NUP98: variants seen among roughly 807,000 people sequenced by gnomAD.
The protein encoded by NUP98 is nuclear pore complex protein Nup98-Nup96.
A neutral mutation model predicts 191.9 loss-of-function variants in NUP98; 26 were observed. The ratio of observed to expected loss-of-function variants is 0.14; its 90% CI spans 0.10 to 0.19. NUP98 has a LOEUF of 0.19. NUP98 is among the 10% of genes least tolerant of loss of function. NUP98 has a pLI of 1.00. For synonymous variants in NUP98, 808 were observed against 778.4 expected (o/e 1.04, Z -0.63); for missense variants, 1,941 against 2,178.8 (o/e 0.89, Z 2.17).
At chr11:3,685,118 A>G (rs2078100081) in intron 29 of NUP98, among the ~76,000 whole-genome samples, 1 of 152,174 alleles carries the variant, frequency 6.6e-6, no homozygotes, top group African/African-American at 2.4e-5. Flanking sequence ...TATATGGTAT[A>G]CAATATAAAC....
At chr11:3,774,171 G>T (rs1041369686) in intron 5 of NUP98, among the ~76,000 whole-genome samples, 3 of 152,046 alleles carry the variant, frequency 2.0e-5, no homozygotes, top group Non-Finnish European at 2.9e-5. Context: ...AGGCCGAGGC[G>T]GGTGGATCAT....
In NUP98 at chr11:3,714,359, T is replaced by TA. The variant is rs374412828; in HGVS notation, c.2400-365dup. The stretch of plus-strand genomic sequence containing the variant: ...AAAGGGCTACCGTACTAAATAATAA[T>TA]AAAAAACAGCTACTACCCATTTACT... On this transcript the variant is annotated intron_variant, in intron 18 of 32. Transcript: ENST00000324932. Among the ~76,000 whole-genome samples the TA allele has an allele frequency of 5.0e-3, 768 of 152,254 alleles. 10 individuals carry two copies. Among genetic ancestry groups the TA allele is most frequent in the African/African-American group, 0.017 (709 of 41,550 alleles).
At chr11:3,783,713 A>G (rs1197104250) in intron 1 of NUP98, among the ~76,000 whole-genome samples, 1 of 152,072 alleles carries the variant, frequency 6.6e-6, no homozygotes, top group Non-Finnish European at 1.5e-5. Flanking sequence ...AACAAAAACA[A>G]AAACAAAAAC....
chr11:3,790,775 T>A (rs1304890524), intron 1 of NUP98, among the ~76,000 whole-genome samples: 1 of 152,186 alleles, frequency 6.6e-6, no homozygotes, highest in Admixed American at 6.5e-5. Flanking sequence ...TCTTTTTAAT[T>A]CAGTATTGGG....
At chr11:3,782,199 T>C in intron 1 of NUP98, 54 bp from the exon 2 acceptor site, 1 of 972,752 alleles carries the variant, frequency 1.0e-6, no homozygotes, top group Non-Finnish European at 1.6e-6. Context: ...TGGAATATAA[T>C]TGTTTTAGAA....
intron 7 of NUP98, among the ~76,000 whole-genome samples, chr11:3,770,355 G>T (rs1030148723): frequency 6.6e-6 from 1 of 151,964 alleles, no homozygotes; most frequent in African/African-American, 2.4e-5. Flanking sequence ...GTCGGGTGTG[G>T]TGGCACATGC....
chr11:3,723,047 A>G (rs2079462917), intron 16 of NUP98, 110 bp downstream of exon 16: 1 of 1,004,094 alleles, frequency 1.0e-6, no homozygotes, highest in Non-Finnish European at 1.5e-6. Flanking sequence ...ATCACATAAA[A>G]TAATACTTAA....
intron 16 of NUP98, among the ~76,000 whole-genome samples, chr11:3,722,549 G>A (rs2079443939): frequency 6.6e-6 from 1 of 152,056 alleles, no homozygotes. Flanking sequence ...AAAATGGGCT[G>A]GGCATGGTGG....
At chr11:3,777,824 T>C (rs2081797764) in intron 4 of NUP98, among the ~76,000 whole-genome samples, 1 of 152,042 alleles carries the variant, frequency 6.6e-6, no homozygotes, top group African/African-American at 2.4e-5. Context: ...CACATTTCTT[T>C]TGAATTAGTA....
At chr11:3,717,828 T>TATG (rs948259980) in intron 18 of NUP98, among the ~76,000 whole-genome samples, 29 of 152,076 alleles carry the variant, frequency 1.9e-4, no homozygotes, top group Non-Finnish European at 3.5e-4. Context: ...TTTTCTGTAT[T>TATG]ATGATGATGA....
At chr11:3,729,334 G>A (rs1236784001) in intron 14 of NUP98, among the ~76,000 whole-genome samples, 2 of 151,956 alleles carry the variant, frequency 1.3e-5, no homozygotes, top group African/African-American at 4.8e-5. Context: ...AGAAAACTAG[G>A]AAATTGTGGG....
chr11:3,680,168 T>G (rs1189834199), intron 30 of NUP98, among the ~76,000 whole-genome samples: 2 of 152,190 alleles, frequency 1.3e-5, no homozygotes, highest in Non-Finnish European at 2.9e-5. Flanking sequence ...TGCTAATTTC[T>G]TAAAATAAGA....
intron 29 of NUP98, among the ~76,000 whole-genome samples, 191 bp downstream of exon 29, chr11:3,685,781 GT>G (rs1186415394): frequency 6.6e-6 from 1 of 152,196 alleles, no homozygotes; most frequent in Admixed American, 6.5e-5. Flanking sequence ...GGAAGTCTCA[GT>G]TTTAACTGGT....
intron 14 of NUP98, among the ~76,000 whole-genome samples, chr11:3,730,294 T>G (rs572980728): frequency 6.6e-6 from 1 of 151,928 alleles, no homozygotes; most frequent in African/African-American, 2.4e-5. Context: ...GTCTTCAAAA[T>G]AATTTACTGA....
At chr11:3,715,171 G>C (rs1267940510) in intron 18 of NUP98, among the ~76,000 whole-genome samples, 1 of 152,126 alleles carries the variant, frequency 6.6e-6, no homozygotes, top group African/African-American at 2.4e-5. Context: ...TTATTAGACT[G>C]AGTCTCGCTC....
At chr11:3,746,264 T>A (rs576276069) in intron 11 of NUP98, among the ~76,000 whole-genome samples, 2 of 27,994 alleles carry the variant, frequency 7.1e-5, no homozygotes, top group African/African-American at 2.5e-4. Flanking sequence ...AGCAAAACTT[T>A]ATCTCAAAAA....
intron 1 of NUP98, among the ~76,000 whole-genome samples, chr11:3,788,034 C>G (rs748977958): frequency 2.1e-4 from 32 of 152,002 alleles, no homozygotes; most frequent in East Asian, 7.7e-4. Context: ...TTTCCAACCC[C>G]GATTACGTAA....
chr11:3,736,129 G>A (rs1010957682), intron 12 of NUP98, among the ~76,000 whole-genome samples: 12 of 151,208 alleles, frequency 7.9e-5, no homozygotes, highest in African/African-American at 2.7e-4. Context: ...ATGGGGTTTC[G>A]CCATGTTGCC....
At chr11:3,780,677 T>C (rs923346639) in intron 2 of NUP98, among the ~76,000 whole-genome samples, 3 of 152,098 alleles carry the variant, frequency 2.0e-5, no homozygotes, top group Non-Finnish European at 4.4e-5. Flanking sequence ...GGCTTATGCT[T>C]GTAATCCCCT....
Sources: allele counts gnomAD v4.1 joint callset (sites outside exome capture counted in the v4.1 genomes callset), GRCh38; gene constraint gnomAD v4.1.1; transcripts MANE v1.5; gene names NCBI Gene and HGNC (gene_info 2026-07-23, HGNC 2026-07-21).